SLC6A13: variants seen among roughly 807,000 people sequenced by gnomAD.
The protein encoded by SLC6A13 is solute carrier family 6 member 13, also known as sodium- and chloride-dependent GABA transporter 2.
SLC6A13 carries 69 observed loss-of-function variants against 72.9 expected under a neutral mutation model. The ratio of observed to expected loss-of-function variants is 0.95; its 90% CI spans 0.78 to 1.16. SLC6A13 has a LOEUF of 1.16. Among genes scored for constraint, SLC6A13 ranks in the 50% most tolerant of loss-of-function variants. The probability of loss-of-function intolerance (pLI) is 0.00; values close to 1 mark genes in which losing one functional copy is unlikely to be tolerated. For synonymous variants in SLC6A13, 303 were observed against 303.0 expected (o/e 1.00, Z 0.00); for missense variants, 735 against 760.5 (o/e 0.97, Z 0.39).
At chr12:225,301 GC>G (rs1419318675) in intron 9 of SLC6A13, among the ~76,000 whole-genome samples, 2 of 152,228 alleles carry the variant, frequency 1.3e-5, no homozygotes, top group African/African-American at 4.8e-5. Flanking sequence ...GGTTTCCGTT[GC>G]ATGGTACGAG....
Position 254,191 on chromosome 12 carries a change from C to T in SLC6A13, c.202+5660G>A, listed in dbSNP as rs10848639. ...AGTTCAAATGTCAAGCTTCTTCAGC[C>T]GCCTCGCCAGCTCAGGGCCCCACCC... On this transcript the variant is annotated intron_variant, in intron 2 of 14. Coordinates refer to ENST00000343164, the MANE Select transcript of SLC6A13 (RefSeq NM_016615.5). The surrounding 1 kb of genome is among the most constrained non-coding windows in gnomAD (Gnocchi z 4.4). Among the ~76,000 whole-genome samples, 427 of 152,284 alleles carry T rather than the reference C, an allele frequency of 2.8e-3. 2 individuals carry two copies. Among genetic ancestry groups the T allele is most frequent in the Middle Eastern group, 0.014 (4 of 294 alleles).
chr12:241,259 CG>C (rs1290368856), intron 4 of SLC6A13, among the ~76,000 whole-genome samples: 3 of 151,964 alleles, frequency 2.0e-5, no homozygotes, highest in Non-Finnish European at 4.4e-5. Context: ...GCCAAGATCG[CG>C]CCACTGCACT....
At chr12:244,440 G>A (rs1591850898) in intron 2 of SLC6A13, among the ~76,000 whole-genome samples, 1 of 152,328 alleles carries the variant, frequency 6.6e-6, no homozygotes, top group East Asian at 1.9e-4. Flanking sequence ...TGTAATCCCA[G>A]CACTTTGGGA....
chr12:260,166 A>G, intron 1 of SLC6A13, 109 bp from the exon 2 acceptor site: 1 of 1,190,722 alleles, frequency 8.4e-7, no homozygotes, highest in Admixed American at 2.2e-5. Flanking sequence ...GGAAGAGGTG[A>G]ATTTCTATTC....
intron 13 of SLC6A13, 102 bp from the exon 14 acceptor site, chr12:221,648 G>T: frequency 1.3e-6 from 1 of 764,870 alleles, no homozygotes; most frequent in Non-Finnish European, 2.2e-6. Flanking sequence ...CTCCAAGCCT[G>T]GATTCCCTCT....
intron 3 of SLC6A13, among the ~76,000 whole-genome samples, 178 bp from the exon 4 acceptor site, chr12:242,932 A>G (rs1942219701): frequency 6.6e-6 from 1 of 152,264 alleles, no homozygotes; most frequent in Non-Finnish European, 1.5e-5. Flanking sequence ...TTTCAAAATA[A>G]AAACGTAAAG....
At chr12:255,094 C>A (rs553143921) in intron 2 of SLC6A13, among the ~76,000 whole-genome samples, 1 of 152,332 alleles carries the variant, frequency 6.6e-6, no homozygotes, top group South Asian at 2.1e-4. Flanking sequence ...TGAAAACTCT[C>A]GGATTGCTTA....
rs1942438990 is a variant in SLC6A13 at position 248,667 on chromosome 12, C to CATATAAACATA, written c.203-4855_203-4854insTATGTTTATAT. 7.9e-5 allele frequency among the ~76,000 whole-genome samples: 12 copies of CATATAAACATA among 152,198 alleles called. 1 individual carries two copies. The South Asian group carries it at 1.9e-3, about 24-fold the overall frequency. Reference sequence around the variant, plus strand: ...AGAACTACAAAGAGAAACATATAAACTAATTCCTGATAAATGTTAAAAACG... The same window carrying CATATAAACATA: ...AGAACTACAAAGAGAAACATATAAACATATAAACATATAATTCCTGATAAATGTTAAAAACG... On this transcript the variant is annotated intron_variant, in intron 2 of 14. Coordinates refer to ENST00000343164, the MANE Select transcript of SLC6A13 (RefSeq NM_016615.5).
Position 224,006 on chromosome 12 carries a change from T to A in SLC6A13, c.1297A>T (p.Ile433Phe). The A allele has an allele frequency of 6.2e-7, 1 of 1,612,194 alleles. No homozygotes were observed. Among genetic ancestry groups the A allele is most frequent in the South Asian group, 1.1e-5 (1 of 90,970 alleles). The change falls in exon 11 of 15, where the codon ATC becomes TTC. Residue 433 changes from isoleucine (I) to phenylalanine (F), a missense_variant. By Grantham distance (21) the Ile-to-Phe change is conservative (BLOSUM62 0). Coordinates refer to ENST00000343164, the MANE Select transcript of SLC6A13 (RefSeq NM_016615.5). ...CAGGCCCTCACCTCTGTGAGCATGA[T>A]CAGCCCCACAAGGAAGGAGACGACA... ...VSVVSFLVGL[I>F]MLTEGGMYVF... is the part of the protein sequence containing the mutation.
intron 2 of SLC6A13, among the ~76,000 whole-genome samples, chr12:244,523 T>C (rs1483463282): frequency 1.3e-5 from 2 of 152,108 alleles, no homozygotes; most frequent in East Asian, 3.9e-4. Context: ...ACTCTGTCTC[T>C]AAAAGAAATA....
At position 237,302 on chromosome 12, in the gene SLC6A13, A is replaced by C. The variant is rs1293587589; in HGVS notation, c.564-12T>G. On this transcript the variant is annotated splice_polypyrimidine_tract_variant and intron_variant, in intron 5 of 14. Transcript: ENST00000343164. ...TCAAGACCCGCCGCCTGGGGAGAGA[A>C]GGGTTGAACCTGGCTTACTTTTTCT... 1.9e-6 allele frequency: 3 copies of C among 1,613,944 alleles called. No homozygotes were observed. Among genetic ancestry groups the C allele is most frequent in the South Asian group, 1.1e-5 (1 of 91,072 alleles).
intron 2 of SLC6A13, among the ~76,000 whole-genome samples, chr12:248,783 C>G (rs1171601754): frequency 6.6e-6 from 1 of 152,142 alleles, no homozygotes; most frequent in Non-Finnish European, 1.5e-5. Context: ...ACCAGCTCAA[C>G]TTAGTTGACA....
At position 223,187 on chromosome 12, in the gene SLC6A13, G is replaced by A. The variant is rs1289689758; in HGVS notation, c.1359C>T (p.Gly453=). ...AGATGGCCACGAACAGGAGGCACAT[G>A]CCACTGGCCGCATAGTAGTCAAAGA... ...FQLFDYYAAS[G]MCLLFVAIFE... Residue 453 remains glycine (G), a synonymous_variant, in exon 12 of 15, where the codon GGC becomes GGT. Transcript: ENST00000343164. 6.2e-7 allele frequency: 1 copy of A among 1,613,936 alleles called. No individual in the cohort carries two copies. The highest frequency in any genetic ancestry group is 8.5e-7 in the Non-Finnish European group (1 of 1,179,790).
At position 222,696 on chromosome 12, in the gene SLC6A13, A is replaced by T. The variant is rs1591818438; in HGVS notation, c.1415-64T>A. ...ATTCTTTGGCACCCAGGACATCAGG[A>T]TGGGGCCACAAACAGACCAGAATGG... On this transcript the variant is annotated intron_variant, in intron 12 of 14. Transcript: ENST00000343164. The T allele has an allele frequency of 3.0e-6, 3 of 996,956 alleles. No homozygotes were observed. In the East Asian group the frequency reaches 7.6e-5, roughly 25 times the overall value. 61.8% of individuals were successfully genotyped at this position (996,956 alleles called of 1,614,324 possible). A position where few individuals can be genotyped will look rare whatever the true frequency, so the allele number is the denominator to read the frequency against.
chr12:221,202 T>TCC (rs1039418131), intron 14 of SLC6A13, 132 bp from the exon 15 acceptor site: 1 of 1,339,576 alleles, frequency 7.5e-7, no homozygotes. Context: ...TGTCTGGGAG[T>TCC]CCCCCTGTGT....
chr12:255,248 C>T (rs1224761290), intron 2 of SLC6A13, among the ~76,000 whole-genome samples: 1 of 152,124 alleles, frequency 6.6e-6, no homozygotes, highest in Non-Finnish European at 1.5e-5. Flanking sequence ...TCCTGAAGCT[C>T]CCAGGACCTG....
chr12:233,333 T>C (rs564500915), intron 7 of SLC6A13, among the ~76,000 whole-genome samples: 2 of 152,210 alleles, frequency 1.3e-5, no homozygotes, highest in East Asian at 1.9e-4. Context: ...GAGGGGAAGG[T>C]AAGAGACCTG....
rs144376533 is a variant in SLC6A13, at chr12:237,982, G to A, written c.507C>T (p.Asn169=). 3,369 of 1,613,986 alleles carry A rather than the reference G, an allele frequency of 2.1e-3. 8 individuals carry two copies. Among genetic ancestry groups the A allele is most frequent in the Non-Finnish European group, 2.3e-3 (2,748 of 1,179,908 alleles). ...TCTCAGAGGTACCATTCAGGGAGCC[G>A]TTGGTCTTCTGGAACTCCATACAGT... The part of the protein sequence containing the change: ...TEHCMEFQKT[N]GSLNGTSENA... The change falls in exon 5 of 15, where the codon AAC becomes AAT. Residue 169 remains asparagine, a synonymous_variant. Transcript: ENST00000343164.
intron 4 of SLC6A13, among the ~76,000 whole-genome samples, chr12:239,373 C>T (rs1035768208): frequency 1.3e-5 from 2 of 152,080 alleles, no homozygotes; most frequent in South Asian, 2.1e-4. Flanking sequence ...TCCCTGCACA[C>T]GTGGGGTGTG....
Sources: gnomAD v4.1 joint callset for allele counts (sites outside exome capture counted in the v4.1 genomes callset) on GRCh38, gnomAD v4.1.1 for gene constraint, Gnocchi (gnomAD v3.1) non-coding constraint, MANE v1.5 for transcripts, NCBI Gene and HGNC (gene_info 2026-07-23, HGNC 2026-07-21) for gene names.